AGXT2: variants seen among roughly 807,000 people sequenced by gnomAD.
The protein encoded by AGXT2 is alanine--glyoxylate aminotransferase 2.
AGXT2 carries 61 observed loss-of-function variants against 62.5 expected under a neutral mutation model. That is an observed-to-expected ratio of 0.98 (90% confidence interval 0.79 to 1.21). The LOEUF is 1.21. Among genes scored for constraint, AGXT2 ranks in the 50% most tolerant of loss-of-function variants. The probability of loss-of-function intolerance (pLI) is 0.00; values close to 1 mark genes in which losing one functional copy is unlikely to be tolerated. For synonymous variants in AGXT2, 243 were observed against 218.7 expected (o/e 1.11, Z -0.98); for missense variants, 666 against 641.5 (o/e 1.04, Z -0.41).
At chr5:35,015,884 C>T (rs1766834243) in intron 9 of AGXT2, among the ~76,000 whole-genome samples, 1 of 148,912 alleles carries the variant, frequency 6.7e-6, no homozygotes, top group Admixed American at 6.7e-5. Flanking sequence ...GAGTGAGCCT[C>T]CTTTTCAGAT....
chr5:35,039,530 AC>A, intron 2 of AGXT2, 22 bp from the exon 3 acceptor site: 2 of 1,609,846 alleles, frequency 1.2e-6, no homozygotes, highest in Non-Finnish European at 1.7e-6. Flanking sequence ...CAAGATTTAA[AC>A]CCACACACTT....
chr5:35,025,908 AGT>A, intron 8 of AGXT2, 53 bp from the exon 9 acceptor site: 1 of 1,513,758 alleles, frequency 6.6e-7, no homozygotes, highest in Non-Finnish European at 9.2e-7. Flanking sequence ...GCCCTTTCAA[AGT>A]ATATAAAAAA....
chr5:35,035,211 G>A lies in AGXT2; in HGVS notation c.581+11C>T, dbSNP rs760656741. On this transcript the variant is annotated intron_variant, in intron 5 of 13. Transcript: ENST00000231420. ...GTGTTCCTAAAGTTGAATATTCCAA[G>A]TTGTGATTACCTGAAAGAAATGATG... The A allele has an allele frequency of 6.2e-7, 1 of 1,611,872 alleles. No individual in the cohort carries two copies. The highest frequency in any genetic ancestry group is 8.5e-7 in the Non-Finnish European group (1 of 1,177,914).
chr5:35,009,880 T>C, intron 12 of AGXT2, 120 bp downstream of exon 12: 2 of 1,384,098 alleles, frequency 1.4e-6, no homozygotes, highest in Non-Finnish European at 1.0e-6. Flanking sequence ...AGGGCTTTGC[T>C]GAAATCTTGC....
chr5:35,045,301 C>T (rs181849553), intron 1 of AGXT2, among the ~76,000 whole-genome samples: 6 of 152,210 alleles, frequency 3.9e-5, no homozygotes, highest in Non-Finnish European at 7.4e-5. Context: ...ACACTTAAAA[C>T]GTGGTGACCT....
At chr5:35,036,325 G>A (rs561469209) in intron 4 of AGXT2, among the ~76,000 whole-genome samples, 1 of 152,178 alleles carries the variant, frequency 6.6e-6, no homozygotes, top group South Asian at 2.1e-4. Context: ...ATAACACTCG[G>A]GACTGAGCAT....
intron 12 of AGXT2, among the ~76,000 whole-genome samples, chr5:35,005,002 G>A (rs1766370206): frequency 6.6e-6 from 1 of 152,142 alleles, no homozygotes; most frequent in Admixed American, 6.5e-5. Flanking sequence ...TCAGACTATT[G>A]GATCAGAAAG....
chr5:35,004,553 G>A (rs892701910), intron 12 of AGXT2, among the ~76,000 whole-genome samples: 2 of 152,186 alleles, frequency 1.3e-5, no homozygotes, highest in Admixed American at 6.5e-5. Flanking sequence ...TTCCCAGTCT[G>A]TGAGTACAAA....
In AGXT2 at chr5:35,039,241, A is replaced by T; in HGVS notation, c.362+83T>A. On this transcript the variant is annotated intron_variant, in intron 3 of 13. Transcript: ENST00000231420. ...AGATATTTTTAAACCAAGATAAGCA[A>T]ATCAAGAGTTCAGAGTCACTAACAT... The T allele has an allele frequency of 4.1e-6, 6 of 1,469,202 alleles. 1 individual carries two copies. The highest frequency in any genetic ancestry group is 5.7e-6 in the Non-Finnish European group (6 of 1,049,316). The allele number at this position is 1,469,202 out of a possible 1,614,324, so 91.0% of individuals were successfully genotyped here. A position where few individuals can be genotyped will look rare whatever the true frequency, so the allele number is the denominator to read the frequency against.
At chr5:35,004,226 CT>C (rs1441351797) in intron 12 of AGXT2, among the ~76,000 whole-genome samples, 6 of 152,180 alleles carry the variant, frequency 3.9e-5, no homozygotes, top group Non-Finnish European at 8.8e-5. Context: ...TTTTCCTTAA[CT>C]CTTCACTTTG....
At chr5:35,005,768 A>G (rs974524637) in intron 12 of AGXT2, among the ~76,000 whole-genome samples, 1 of 152,096 alleles carries the variant, frequency 6.6e-6, no homozygotes, top group African/African-American at 2.4e-5. Context: ...CTGCTTGATA[A>G]TGAAGTGGGC....
Position 35,039,379 on chromosome 5 carries a change from T to C in AGXT2, c.307A>G (p.Arg103Gly). The C allele has an allele frequency of 6.2e-7, 1 of 1,614,146 alleles. No homozygotes were observed. The highest frequency in any genetic ancestry group is 1.1e-5 in the South Asian group (1 of 91,086). The change falls in exon 3 of 14, where the codon AGA becomes GGA. Residue 103 changes from arginine to glycine, a missense_variant. Arg to Gly is a moderately radical substitution (Grantham distance 125, BLOSUM62 -2). Transcript: ENST00000231420. ...MEWLFDAEGS[R>G]YLDFFSGIVT... ...ATCCCGGAAAAGAAATCCAGGTATC[T>C]GCTTCCTTCAGCATCAAAGAGCCAC...
At chr5:35,026,270 T>A (rs753107341) in intron 8 of AGXT2, 140 bp downstream of exon 8, 1 of 766,156 alleles carries the variant, frequency 1.3e-6, no homozygotes, top group Non-Finnish European at 2.2e-6. Context: ...GTCTTCTTTT[T>A]TCAAGGAGAC....
intron 7 of AGXT2, chr5:35,026,838 C>T (rs769777498): frequency 8.2e-5 from 81 of 984,958 alleles, no homozygotes; most frequent in Non-Finnish European, 9.3e-5. Flanking sequence ...CTAAGGATGC[C>T]CGTCCTCTCA....
At chr5:35,013,652 C>T (rs369373093) in intron 10 of AGXT2, among the ~76,000 whole-genome samples, 3 of 152,130 alleles carry the variant, frequency 2.0e-5, no homozygotes, top group South Asian at 2.1e-4. Context: ...CGTGGTGGTG[C>T]GCACCTGTAA....
At position 35,040,572 on chromosome 5, in the gene AGXT2, C is replaced by T. The variant is rs2112287966; in HGVS notation, c.177+3G>A. 1 of 1,612,798 alleles carries T rather than the reference C, an allele frequency of 6.2e-7. No individual in the cohort carries two copies. The highest frequency in any genetic ancestry group is 1.1e-5 in the South Asian group (1 of 91,030). On this transcript the variant is annotated splice_donor_region_variant and intron_variant, in intron 2 of 13. Transcript: ENST00000231420. ...TGAGTTTTCTTAAAGCCCTGAATCT[C>T]ACCTGGTATCTTTCAGGCATGAAGT...
At chr5:34,999,449 C>A (rs1166518399) in intron 13 of AGXT2, among the ~76,000 whole-genome samples, 1 of 152,122 alleles carries the variant, frequency 6.6e-6, no homozygotes, top group South Asian at 2.1e-4. Flanking sequence ...GCATTTCTAC[C>A]CTTTTTCTGC....
chr5:35,040,538 C>T (rs1337808685), intron 2 of AGXT2, 37 bp downstream of exon 2: 2 of 1,579,374 alleles, frequency 1.3e-6, no homozygotes, highest in Non-Finnish European at 1.7e-6. Flanking sequence ...CCCAGAGAAA[C>T]TACCTCTTTG....
At chr5:35,036,798 T>G in intron 4 of AGXT2, 144 bp downstream of exon 4, 1 of 1,172,252 alleles carries the variant, frequency 8.5e-7, no homozygotes. Flanking sequence ...AGATGTTCAG[T>G]GCACAGGCTA....
Sources: allele counts gnomAD v4.1 joint callset (sites outside exome capture counted in the v4.1 genomes callset), GRCh38; gene constraint gnomAD v4.1.1; transcripts MANE v1.5; gene names NCBI Gene and HGNC (gene_info 2026-07-23, HGNC 2026-07-21).